The following MMP26 variants were observed in gnomAD, a reference collection of about 807,000 sequenced individuals.
MMP26 encodes matrix metalloproteinase-26.
A neutral mutation model predicts 31.0 loss-of-function variants in MMP26; 33 were observed. That is an observed-to-expected ratio of 1.06 (90% CI 0.81 to 1.42). MMP26 has a LOEUF of 1.42. Ranked by LOEUF, MMP26 falls within the 40% of genes most tolerant of loss-of-function variation. The pLI is 0.00. For synonymous variants in MMP26, 122 were observed against 114.9 expected, an observed-to-expected ratio of 1.06 and a Z score of -0.40; for missense variants, 347 against 316.1, an observed-to-expected ratio of 1.10 and a Z score of -0.74.
chr11:4,737,425 CCT>C (rs1848255540), intron 1 of MMP26, among the ~76,000 whole-genome samples: 1 of 152,148 alleles, frequency 6.6e-6, no homozygotes, highest in Non-Finnish European at 1.5e-5. Flanking sequence ...GGGTGGATCA[CCT>C]GAGGTCGGGA....
chr11:4,854,799 G>C (rs1023988473), intron 2 of MMP26, among the ~76,000 whole-genome samples: 1 of 152,212 alleles, frequency 6.6e-6, no homozygotes, highest in Non-Finnish European at 1.5e-5. Flanking sequence ...TAGCCTAACT[G>C]GGAGACATCC....
intron 2 of MMP26, chr11:4,944,265 T>A: frequency 4.3e-6 from 1 of 231,456 alleles, no homozygotes; most frequent in Non-Finnish European, 8.7e-6. Context: ...GATAATACTA[T>A]CCTGGAGCAT....
intron 2 of MMP26, among the ~76,000 whole-genome samples, chr11:4,982,426 T>G (rs1385644088): frequency 6.6e-6 from 1 of 152,214 alleles, no homozygotes; most frequent in African/African-American, 2.4e-5. Context: ...AACACTGTTA[T>G]GTGGCACATG....
rs57113568 is a variant in MMP26 at position 4,810,235 on chromosome 11, A to AT, written c.-145+42905dup. ...AATGTGATTTTATCTGTATGCATGT[A>AT]TTTTTTTTTTTAGTCGGAGTACATA... On this transcript the variant is annotated intron_variant, in intron 2 of 7. Coordinates refer to ENST00000380390, the MANE Select transcript of MMP26 (RefSeq NM_021801.5). Among the ~76,000 whole-genome samples, 1,214 of 149,636 alleles carry AT rather than the reference A, an allele frequency of 8.1e-3. 8 individuals carry two copies. The highest frequency in any genetic ancestry group is 0.014 in the Non-Finnish European group (926 of 67,428).
chr11:4,777,733 G>A (rs1442158999), intron 2 of MMP26, among the ~76,000 whole-genome samples: 1 of 152,006 alleles, frequency 6.6e-6, no homozygotes, highest in Non-Finnish European at 1.5e-5. Context: ...TATTAACATT[G>A]TGTCTGAGAA....
At chr11:4,846,280 T>C (rs1411672626) in intron 2 of MMP26, among the ~76,000 whole-genome samples, 1 of 152,166 alleles carries the variant, frequency 6.6e-6, no homozygotes, top group Non-Finnish European at 1.5e-5. Flanking sequence ...GGTCATTATA[T>C]TAAGTGACAT....
At chr11:4,958,203 A>G (rs11602621) in intron 2 of MMP26, among the ~76,000 whole-genome samples, 22,203 of 152,176 alleles carry the variant, frequency 0.15, 1,702 homozygotes, top group South Asian at 0.17. Context: ...CCTCTTCTGC[A>G]TTTCAATCCC....
At chr11:4,843,494 C>T (rs1047430362) in intron 2 of MMP26, among the ~76,000 whole-genome samples, 5 of 152,314 alleles carry the variant, frequency 3.3e-5, no homozygotes, top group East Asian at 3.9e-4. Context: ...AGGAATAGTC[C>T]GAGCTGTACC....
chr11:4,781,815 T>C (rs959442121), intron 2 of MMP26, among the ~76,000 whole-genome samples: 2 of 152,234 alleles, frequency 1.3e-5, no homozygotes, highest in Middle Eastern at 3.4e-3. Context: ...TTTCCCATAC[T>C]GTTCTCATGG....
intron 2 of MMP26, among the ~76,000 whole-genome samples, chr11:4,840,519 A>G (rs1849779808): frequency 6.6e-6 from 1 of 152,224 alleles, no homozygotes; most frequent in Non-Finnish European, 1.5e-5. Context: ...AGGGAAGAGA[A>G]CGAGAGTCTC....
At chr11:4,898,963 G>C (rs1850762073) in intron 2 of MMP26, among the ~76,000 whole-genome samples, 2 of 151,806 alleles carry the variant, frequency 1.3e-5, no homozygotes, top group African/African-American at 4.8e-5. Flanking sequence ...AGCAATTGAG[G>C]CCTCTGTCAG....
At chr11:4,922,417 T>C (rs1304335533) in intron 2 of MMP26, among the ~76,000 whole-genome samples, 2 of 152,174 alleles carry the variant, frequency 1.3e-5, no homozygotes, top group Non-Finnish European at 2.9e-5. Context: ...GTTCACTCCC[T>C]ATGTATCTAG....
At chr11:4,821,246 G>A in intron 2 of MMP26, 2 of 701,124 alleles carry the variant, frequency 2.9e-6, no homozygotes, top group East Asian at 2.6e-5. Flanking sequence ...AACACTGACA[G>A]ACTTGGAGAG....
In MMP26 at chr11:4,862,898, C is replaced by T. The variant is rs531019983; in HGVS notation, c.-145+95557C>T. 2.6e-5 allele frequency among the ~76,000 whole-genome samples: 4 copies of T among 152,246 alleles called. No homozygotes were observed. The South Asian group carries it at 8.3e-4, about 32-fold the overall frequency. On this transcript the variant is annotated intron_variant, in intron 2 of 7. Coordinates refer to ENST00000380390, the MANE Select transcript of MMP26 (RefSeq NM_021801.5). ...TGACAATGGTCAGATCTAAACAAAG[C>T]ACTTTGTGATGCCTGCCTAACCTTC...
intron 2 of MMP26, among the ~76,000 whole-genome samples, chr11:4,975,125 T>A (rs926626270): frequency 6.6e-6 from 1 of 151,990 alleles, no homozygotes; most frequent in African/African-American, 2.4e-5. Context: ...GAAATAACAT[T>A]TTTTAAAAAT....
At chr11:4,913,027 CTT>C (rs1473184097) in intron 2 of MMP26, 1 of 152,172 alleles carries the variant, frequency 6.6e-6, no homozygotes, top group Non-Finnish European at 1.5e-5. Flanking sequence ...TTGTAGTCCT[CTT>C]AAATTTATTT....
chr11:4,838,344 AAAAAAAAAAAAAGT>A (rs1321557058), intron 2 of MMP26, among the ~76,000 whole-genome samples: 1 of 142,064 alleles, frequency 7.0e-6, no homozygotes, highest in East Asian at 2.0e-4. Flanking sequence ...AAAAAAAAAA[AAAAAAAAAAAAAGT>A]ATGATATGAA....
chr11:4,918,396 T>C (rs1275425222), intron 2 of MMP26, among the ~76,000 whole-genome samples: 1 of 152,104 alleles, frequency 6.6e-6, no homozygotes, highest in African/African-American at 2.4e-5. Flanking sequence ...TTCTTTGGGA[T>C]TGGAACTTGT....
At chr11:4,965,121 C>G (rs1846574357) in intron 2 of MMP26, among the ~76,000 whole-genome samples, 1 of 152,080 alleles carries the variant, frequency 6.6e-6, no homozygotes, top group South Asian at 2.1e-4. Context: ...CCTGGAGTAT[C>G]ACATTGGAGA....
Sources: gnomAD v4.1 joint callset for allele counts (sites outside exome capture counted in the v4.1 genomes callset) on GRCh38, gnomAD v4.1.1 for gene constraint, MANE v1.5 for transcripts, NCBI Gene and HGNC (gene_info 2026-07-23, HGNC 2026-07-21) for gene names.